Variants in PRG4 observed in about 807,000 individuals in gnomAD.
The protein encoded by PRG4 is articular superficial zone protein.
Under a neutral mutation model 91.2 loss-of-function variants are expected in PRG4, and 61 were observed. That is an observed-to-expected ratio of 0.67 (90% CI 0.54 to 0.83). PRG4 has a LOEUF of 0.83. PRG4 is among the 40% of genes least tolerant of loss of function. The pLI is 0.00. For synonymous variants in PRG4, 576 were observed against 614.2 expected, an observed-to-expected ratio of 0.94 and a Z score of 0.92; for missense variants, 1,564 against 1,714.2, an observed-to-expected ratio of 0.91 and a Z score of 1.55.
intron 2 of PRG4, among the ~76,000 whole-genome samples, chr1:186,299,566 T>A (rs1374955104): frequency 1.3e-5 from 2 of 152,176 alleles, no homozygotes; most frequent in Admixed American, 6.5e-5. Flanking sequence ...CTACAAATAA[T>A]TGGGAGGTAT....
chr1:186,309,747 T>C (rs745504903), intron 7 of PRG4, 46 bp from the exon 8 acceptor site: 1 of 1,361,090 alleles, frequency 7.3e-7, no homozygotes, highest in Non-Finnish European at 1.1e-6. Context: ...ATACAGACTT[T>C]TCTCATTCTG....
At chr1:186,303,983 G>C (rs1481300937) in intron 4 of PRG4, 125 bp from the exon 5 acceptor site, 6 of 982,452 alleles carry the variant, frequency 6.1e-6, no homozygotes, top group Non-Finnish European at 9.8e-6. Flanking sequence ...TGTTGAGCTG[G>C]AGCCTGCCTG....
Position 186,306,490 on chromosome 1 carries a change from A to G in PRG4, c.771A>G (p.Pro257=), listed in dbSNP as rs772955935. The change falls in exon 7 of 13, where the codon CCA becomes CCG. Residue 257 remains proline, a synonymous_variant. Coordinates refer to ENST00000445192, the MANE Select transcript of PRG4 (RefSeq NM_005807.6). The part of the protein sequence containing the change: ...STSPKITTAK[P]INPRPSLPPN... ...CTCCCAAGATCACAACAGCAAAACCAATAAATCCCAGACCCAGTCTTCCAC... is the reference window on the plus strand; with the variant it reads ...CTCCCAAGATCACAACAGCAAAACCGATAAATCCCAGACCCAGTCTTCCAC... The G allele has an allele frequency of 1.3e-5, 21 of 1,613,692 alleles. No homozygotes were observed. Among genetic ancestry groups the G allele is most frequent in the Non-Finnish European group, 1.7e-5 (20 of 1,179,720 alleles).
chr1:186,308,170 G>C lies in PRG4; in HGVS notation c.2451G>C (p.Lys817Asn). 9 of 1,608,770 alleles carry C rather than the reference G, an allele frequency of 5.6e-6. No individual in the cohort carries two copies. Among genetic ancestry groups the C allele is most frequent in the Non-Finnish European group, 7.6e-6 (9 of 1,178,084 alleles). ...GGCCCACATCCACCACCTCTGACAAGCCTGCTCCAACTACACCTAAGGAGA... is the reference window on the plus strand; with the variant it reads ...GGCCCACATCCACCACCTCTGACAACCCTGCTCCAACTACACCTAAGGAGA... Reference protein sequence around the residue: ...TKGPTSTTSDKPAPTTPKETA... With the variant: ...TKGPTSTTSDNPAPTTPKETA... Residue 817 changes from lysine (K) to asparagine (N), a missense_variant, in exon 7 of 13, where the codon AAG becomes AAC. Coordinates refer to ENST00000445192, the MANE Select transcript of PRG4 (RefSeq NM_005807.6).
rs774798475 is a variant in PRG4, at chr1:186,301,644, T to C, written c.252T>C (p.Cys84=). 10 of 1,613,788 alleles carry C rather than the reference T, an allele frequency of 6.2e-6. No homozygotes were observed. The Admixed American group carries it at 6.7e-5, about 11-fold the overall frequency. ...CFESFERGRE[C]DCDAQCKKYD... is the part of the protein sequence containing the mutation. ...AGTCCTTCGAGAGAGGGAGGGAGTG[T>C]GACTGCGACGCCCAATGTAAGAAGT... The change falls in exon 4 of 13, where the codon TGT becomes TGC. Residue 84 remains cysteine, a synonymous_variant. Transcript: ENST00000445192.
In PRG4 at chr1:186,307,366, C is replaced by T. The variant is rs1656721399; in HGVS notation, c.1647C>T (p.Pro549=). The change falls in exon 7 of 13, where the codon CCC becomes CCT. Residue 549 remains proline (P), a synonymous_variant. Transcript: ENST00000445192. ...CTACCAAGTCTGCACCCACCACTCC[C>T]AAGGAGCCTTCACCCACCACCACCA... The part of the protein sequence containing the change: ...PTTTKSAPTT[P]KEPSPTTTKE... 1 of 1,599,934 alleles carries T rather than the reference C, an allele frequency of 6.3e-7. No individual in the cohort carries two copies. The highest frequency in any genetic ancestry group is 8.5e-7 in the Non-Finnish European group (1 of 1,175,936).
intron 4 of PRG4, among the ~76,000 whole-genome samples, chr1:186,302,490 G>C (rs1656290223): frequency 1.3e-5 from 2 of 152,332 alleles, no homozygotes; most frequent in South Asian, 2.1e-4. Context: ...AATATTTGTG[G>C]AGGTAAAAGT....
Position 186,309,856 on chromosome 1 carries a change from T to C in PRG4, c.3485T>C (p.Leu1162Ser). Residue 1162 changes from leucine (L) to serine (S), a missense_variant, in exon 8 of 13, where the codon TTA (leucine) becomes TCA (serine). By Grantham distance (145) the Leu-to-Ser change is moderately radical. This residue lies in a region of PRG4 where 1,079 missense variants were observed against 1,162.2 expected (regional missense o/e 0.93). Coordinates refer to ENST00000445192, the MANE Select transcript of PRG4 (RefSeq NM_005807.6). Reference sequence around the variant, plus strand: ...CTGACTACTTTGCGCAATGGGACATTAGTTGCATTCCGAGGTGAGCTATGT... The same window carrying C: ...CTGACTACTTTGCGCAATGGGACATCAGTTGCATTCCGAGGTGAGCTATGT... ...DGLTTLRNGTLVAFRGHYFWM... is the reference protein window; with the variant it reads ...DGLTTLRNGTSVAFRGHYFWM... The C allele has an allele frequency of 6.2e-7, 1 of 1,613,222 alleles. No homozygotes were observed. Among genetic ancestry groups the C allele is most frequent in the Non-Finnish European group, 8.5e-7 (1 of 1,179,264 alleles).
In PRG4 at chr1:186,300,256, C is replaced by A. The variant is rs202026515; in HGVS notation, c.199+43C>A. 9.3e-5 allele frequency: 150 copies of A among 1,612,358 alleles called. 2 individuals are homozygous for A. The East Asian group carries it at 3.1e-3, about 34-fold the overall frequency. On this transcript the variant is annotated intron_variant, in intron 3 of 12. Coordinates refer to ENST00000445192, the MANE Select transcript of PRG4 (RefSeq NM_005807.6). ...GTGTCTCCTCTGTCAAGCAACACTG[C>A]GAGTCTGTGAGTCCCCCCTTGCACC...
Position 186,306,382 on chromosome 1 carries a change from A to C in PRG4, c.663A>C (p.Glu221Asp). ...CCCCCAAACCACCAGTTGTAGATGA[A>C]GCTGGAAGTGGATTGGACAATGGTG... ...KPTPKPPVVD[E>D]AGSGLDNGDF... is the part of the protein sequence containing the mutation. The change falls in exon 7 of 13, where the codon GAA becomes GAC. Residue 221 changes from glutamate to aspartate, a missense_variant. This residue lies in a region of PRG4 where 437 missense variants were observed against 459.0 expected (regional missense o/e 0.95). Transcript: ENST00000445192. 6.2e-7 allele frequency: 1 copy of C among 1,613,172 alleles called. No homozygotes were observed. Among genetic ancestry groups the C allele is most frequent in the Non-Finnish European group, 8.5e-7 (1 of 1,179,454 alleles).
At chr1:186,304,699 A>G in intron 5 of PRG4, 95 bp from the exon 6 acceptor site, 3 of 1,448,060 alleles carry the variant, frequency 2.1e-6, no homozygotes, top group Non-Finnish European at 2.9e-6. Flanking sequence ...ATACTTGTAG[A>G]CTAGTAAATA....
In PRG4 at chr1:186,312,912, AG is replaced by A; in HGVS notation, c.4117+19del. Reference sequence around the variant, plus strand: ...TTCTAAAGGTAAGGTATTAACTAACAGTTTCCCAAGGAGGTGATATCATTTG... The same window carrying A: ...TTCTAAAGGTAAGGTATTAACTAACATTTCCCAAGGAGGTGATATCATTTG... On this transcript the variant is annotated intron_variant, in intron 12 of 12. Coordinates refer to ENST00000445192, the MANE Select transcript of PRG4 (RefSeq NM_005807.6). The A allele has an allele frequency of 6.2e-7, 1 of 1,604,576 alleles. No individual in the cohort carries two copies. The highest frequency in any genetic ancestry group is 8.5e-7 in the Non-Finnish European group (1 of 1,171,368).
chr1:186,307,166 G>A lies in PRG4; in HGVS notation c.1447G>A (p.Ala483Thr), dbSNP rs1350948775. ...EPAPTTPKEP[A>T]PTAPKKPAPT... The stretch of plus-strand genomic sequence containing the variant: ...TGCACCCACCACTCCCAAAGAGCCT[G>A]CACCCACTGCCCCCAAGAAGCCTGC... The change falls in exon 7 of 13, where the codon GCA (alanine) becomes ACA (threonine). Residue 483 changes from alanine to threonine, a missense_variant. Physicochemically the swap from Ala to Thr is moderately conservative, Grantham distance 58. Around this residue, in one of 3 missense-constraint regions of PRG4, gnomAD observed 1,079 missense variants for 1,162.2 expected, o/e 0.93. Transcript: ENST00000445192. 1.3e-6 allele frequency: 2 copies of A among 1,535,962 alleles called. No individual in the cohort carries two copies. Among genetic ancestry groups the A allele is most frequent in the East Asian group, 2.4e-5 (1 of 40,924 alleles).
At chr1:186,302,343 T>C (rs1656278285) in intron 4 of PRG4, among the ~76,000 whole-genome samples, 1 of 152,230 alleles carries the variant, frequency 6.6e-6, no homozygotes, top group Non-Finnish European at 1.5e-5. Context: ...TCTCTATTTA[T>C]AGGTCTTGAA....
intron 3 of PRG4, among the ~76,000 whole-genome samples, chr1:186,301,115 C>G (rs934317021): frequency 1.3e-5 from 2 of 152,016 alleles, no homozygotes; most frequent in Non-Finnish European, 1.5e-5. Flanking sequence ...CTCTGCATTA[C>G]AAATGATTTT....
chr1:186,314,334 A>C lies in PRG4; in HGVS notation c.*556A>C. On this transcript the variant is annotated 3_prime_UTR_variant, in exon 13 of 13. Coordinates refer to ENST00000445192, the MANE Select transcript of PRG4 (RefSeq NM_005807.6). ...AACAATATAATGGCAATAGGTAGAG[A>C]TACAACAAATGAATATAACACTATA... The C allele has an allele frequency of 2.6e-6, 1 of 389,608 alleles. No homozygotes were observed. The highest frequency in any genetic ancestry group is 4.4e-5 in the South Asian group (1 of 22,726). The allele number at this position is 389,608 out of a possible 1,614,324, so 24.1% of individuals were successfully genotyped here.
At chr1:186,305,056 G>A (rs1656468322) in intron 6 of PRG4, 134 bp downstream of exon 6, 2 of 1,051,526 alleles carry the variant, frequency 1.9e-6, no homozygotes, top group African/African-American at 3.3e-5. Flanking sequence ...TATTATCTTA[G>A]AAAGTACCAA....
Position 186,308,678 on chromosome 1 carries a change from A to G in PRG4, c.2959A>G (p.Thr987Ala). 1 of 1,611,528 alleles carries G rather than the reference A, an allele frequency of 6.2e-7. No homozygotes were observed. The highest frequency in any genetic ancestry group is 8.5e-7 in the Non-Finnish European group (1 of 1,179,456). The change falls in exon 7 of 13, where the codon ACA (threonine) becomes GCA (alanine). Residue 987 changes from threonine to alanine, a missense_variant. Thr to Ala is a moderately conservative substitution (Grantham distance 58, BLOSUM62 0). Around this residue, in one of 3 missense-constraint regions of PRG4, gnomAD observed 1,079 missense variants for 1,162.2 expected, o/e 0.93. Coordinates refer to ENST00000445192, the MANE Select transcript of PRG4 (RefSeq NM_005807.6). ...KTTTLAPKVTTTKKTITTTEI... is the reference protein window; with the variant it reads ...KTTTLAPKVTATKKTITTTEI... ...AACTACTCTTGCACCCAAAGTAACT[A>G]CAACAAAAAAGACAATTACTACCAC...
chr1:186,300,169 A>T lies in PRG4; in HGVS notation c.155A>T (p.His52Leu). 1 of 1,614,188 alleles carries T rather than the reference A, an allele frequency of 6.2e-7. No homozygotes were observed. The highest frequency in any genetic ancestry group is 8.5e-7 in the Non-Finnish European group (1 of 1,180,036). Residue 52 changes from histidine to leucine, a missense_variant, in exon 3 of 13, where the codon CAC becomes CTC. Physicochemically the swap from His to Leu is moderately conservative, Grantham distance 99. This residue lies in a region of PRG4 where 437 missense variants were observed against 459.0 expected (regional missense o/e 0.95). Coordinates refer to ENST00000445192, the MANE Select transcript of PRG4 (RefSeq NM_005807.6). ...ATCNCDYNCQ[H>L]YMECCPDFKR... is the part of the protein sequence containing the mutation. ...TGCAACTGTGATTATAACTGTCAAC[A>T]CTACATGGAGTGCTGCCCTGATTTC...
Sources: gnomAD v4.1 joint callset for allele counts (sites outside exome capture counted in the v4.1 genomes callset) on GRCh38, gnomAD v4.1.1 for gene constraint, gnomAD v4.1.1 regional missense constraint, MANE v1.5 for transcripts, NCBI Gene and HGNC (gene_info 2026-07-23, HGNC 2026-07-21) for gene names.